The following SLIT1 variants were observed in gnomAD, a reference collection of about 807,000 sequenced individuals.
The protein encoded by SLIT1 is slit homolog 1 protein.
Under a neutral mutation model 186.1 loss-of-function variants are expected in SLIT1, and 66 were observed. That is an observed-to-expected ratio of 0.35 (90% CI 0.29 to 0.44). The LOEUF (loss-of-function observed/expected upper bound fraction) is 0.44. Ranked by LOEUF, SLIT1 falls within the 20% of genes least tolerant of loss-of-function variation. The pLI is 1.00. For missense variants in SLIT1, 1,638 were observed against 2,037.4 expected, an observed-to-expected ratio of 0.80 and a Z score of 3.77; for synonymous variants, 761 against 833.8, an observed-to-expected ratio of 0.91 and a Z score of 1.50.
intron 26 of SLIT1, among the ~76,000 whole-genome samples, chr10:97,020,896 A>G (rs564560271): frequency 6.6e-6 from 1 of 152,360 alleles, no homozygotes; most frequent in African/African-American, 2.4e-5. Flanking sequence ...TCCACCAGGG[A>G]CTGAGAGAGG....
chr10:97,048,844 C>A lies in SLIT1; in HGVS notation c.1465+111G>T, dbSNP rs1291599564. On this transcript the variant is annotated intron_variant, in intron 14 of 36. Transcript: ENST00000266058. The stretch of plus-strand genomic sequence containing the variant: ...ACAGGTAGGCAGGCAGGCAAGTGAG[C>A]AGGCGGGTAGGTGGGCAGGTGGGCA... 1.6e-5 allele frequency: 6 copies of A among 381,594 alleles called. No homozygotes were observed. The East Asian group carries it at 3.6e-4, about 23-fold the overall frequency. The allele number at this position is 381,594 out of a possible 1,614,324, so 23.6% of individuals were successfully genotyped here.
Position 97,083,640 on chromosome 10 carries a change from C to A in SLIT1, c.414-17554G>T, listed in dbSNP as rs538286899. On this transcript the variant is annotated intron_variant, in intron 4 of 36. Transcript: ENST00000266058. The stretch of plus-strand genomic sequence containing the variant: ...ATACGGTTCACATGTTTTCCCTGAG[C>A]GGCCGTGCTGCAGAGAGTGTGGAAT... Among the ~76,000 whole-genome samples the A allele has an allele frequency of 2.0e-5, 3 of 152,264 alleles. No individual in the cohort carries two copies. In the East Asian group the frequency reaches 5.8e-4, roughly 29 times the overall value.
chr10:97,004,074 CAT>C lies in SLIT1; in HGVS notation c.3857_3858del (p.Tyr1286CysfsTer88), dbSNP rs1306747805. ...GCCAGGGCCAGGTCCTCACCTCCCA[CAT>C]AGAGTGGCGCCTCGCTGTTGAGCGT... ...HYTLNSEAPLYVGGMPVDVNS... is the reference protein window; with the variant it reads ...HYTLNSEAPLXVGGMPVDVNS... On this transcript the variant is annotated frameshift_variant, in exon 34 of 37. Transcript: ENST00000266058. LOFTEE classifies it high-confidence loss of function. The surrounding 1 kb of genome is among the most constrained non-coding windows in gnomAD (Gnocchi z 5.1). 1.2e-6 allele frequency: 2 copies of C among 1,608,876 alleles called. No individual in the cohort carries two copies. Among genetic ancestry groups the C allele is most frequent in the Admixed American group, 1.7e-5 (1 of 59,932 alleles).
rs764995348 is a variant in SLIT1, at chr10:97,056,010, T to C, written c.1301+311A>G. Among the ~76,000 whole-genome samples the C allele has an allele frequency of 4.6e-5, 7 of 152,222 alleles. No individual in the cohort carries two copies. In the South Asian group the frequency reaches 1.4e-3, roughly 31 times the overall value. Reference sequence around the variant, plus strand: ...GCTAAAGGCAGCATTTATCAAGCACTTGTGATGAGCTAAGCTTCATACAAA... The same window carrying C: ...GCTAAAGGCAGCATTTATCAAGCACCTGTGATGAGCTAAGCTTCATACAAA... On this transcript the variant is annotated intron_variant, in intron 13 of 36. Coordinates refer to ENST00000266058, the MANE Select transcript of SLIT1 (RefSeq NM_003061.3).
chr10:97,091,923 C>T (rs985200197), intron 4 of SLIT1, among the ~76,000 whole-genome samples: 70 of 152,308 alleles, frequency 4.6e-4, no homozygotes, highest in Middle Eastern at 3.4e-3. Flanking sequence ...CCAGGAGTGG[C>T]GAGAAGTCTT....
chr10:97,183,030 T>C (rs1486080763), intron 1 of SLIT1, among the ~76,000 whole-genome samples: 3 of 151,504 alleles, frequency 2.0e-5, no homozygotes, highest in African/African-American at 7.3e-5. Context: ...AGCAGCAGAA[T>C]GTGCTGGGCC....
chr10:97,127,771 C>T (rs1410155520), intron 4 of SLIT1, among the ~76,000 whole-genome samples: 2 of 152,184 alleles, frequency 1.3e-5, no homozygotes, highest in African/African-American at 2.4e-5. Context: ...AGCCTTGGGG[C>T]GGCTCCCAGC....
At chr10:97,060,521 C>G in intron 9 of SLIT1, 119 bp downstream of exon 9, 1 of 1,240,686 alleles carries the variant, frequency 8.1e-7, no homozygotes, top group East Asian at 2.5e-5. Flanking sequence ...GTCTTCTCTA[C>G]GGCCACTGAG....
chr10:97,092,098 C>T (rs1187181914), intron 4 of SLIT1, among the ~76,000 whole-genome samples: 1 of 152,214 alleles, frequency 6.6e-6, no homozygotes, highest in African/African-American at 2.4e-5. Context: ...TTTGTGAAGG[C>T]TTGCTGTCAA....
chr10:97,016,294 G>GCGAGA (rs1848454648), intron 28 of SLIT1, among the ~76,000 whole-genome samples: 3 of 151,978 alleles, frequency 2.0e-5, no homozygotes, highest in Admixed American at 6.6e-5. Context: ...GGGTGACAGA[G>GCGAGA]CGAGACTCTG....
At chr10:97,025,801 C>T (rs894561936) in intron 25 of SLIT1, among the ~76,000 whole-genome samples, 62 of 152,306 alleles carry the variant, frequency 4.1e-4, no homozygotes, top group African/African-American at 1.4e-3. Context: ...CTCCTATTTG[C>T]GTAACCTGGA....
chr10:97,004,049 G>A lies in SLIT1; in HGVS notation c.3865+19C>T, dbSNP rs552104302. The A allele has an allele frequency of 3.7e-5, 59 of 1,590,704 alleles. No individual in the cohort carries two copies. The East Asian group carries it at 4.7e-4, about 13-fold the overall frequency. Reference sequence around the variant, plus strand: ...CAGGCCAGACAGCAAAAGAGGCCCCGCCAGGGCCAGGTCCTCACCTCCCAC... The same window carrying A: ...CAGGCCAGACAGCAAAAGAGGCCCCACCAGGGCCAGGTCCTCACCTCCCAC... On this transcript the variant is annotated intron_variant, in intron 34 of 36. Transcript: ENST00000266058. The surrounding 1 kb of genome is among the most constrained non-coding windows in gnomAD (Gnocchi z 5.1).
intron 31 of SLIT1, among the ~76,000 whole-genome samples, chr10:97,009,974 A>G (rs1394501104): frequency 6.6e-6 from 1 of 152,232 alleles, no homozygotes; most frequent in East Asian, 1.9e-4. Context: ...GGAATTGTGC[A>G]GCCATTAGGA....
chr10:97,098,371 G>T (rs780382548), intron 4 of SLIT1, among the ~76,000 whole-genome samples: 3 of 152,236 alleles, frequency 2.0e-5, no homozygotes, highest in Non-Finnish European at 4.4e-5. Flanking sequence ...AAGCCAAGCT[G>T]CTAGGCAGAG....
intron 4 of SLIT1, among the ~76,000 whole-genome samples, chr10:97,082,015 C>A (rs1305914777): frequency 6.6e-6 from 1 of 152,266 alleles, no homozygotes; most frequent in Non-Finnish European, 1.5e-5. Flanking sequence ...AGGATAGCTC[C>A]TCTATGAGCC....
rs987670336 is a variant in SLIT1 at position 97,059,647 on chromosome 10, A to G, written c.1014-116T>C. ...GAGCAGGGTGGAGTGCTTTGAAATG[A>G]GAATAGTGAGAGGCCAGATCTCTCC... On this transcript the variant is annotated intron_variant, in intron 10 of 36. Coordinates refer to ENST00000266058, the MANE Select transcript of SLIT1 (RefSeq NM_003061.3). 7 of 764,866 alleles carry G rather than the reference A, an allele frequency of 9.2e-6. No individual in the cohort carries two copies. In the African/African-American group the frequency reaches 1.0e-4, roughly 11 times the overall value. The allele number at this position is 764,866 out of a possible 1,614,324, so 47.4% of individuals were successfully genotyped here.
At chr10:97,100,260 G>A (rs149130263) in intron 4 of SLIT1, among the ~76,000 whole-genome samples, 1,970 of 152,250 alleles carry the variant, frequency 0.013, 26 homozygotes, top group Non-Finnish European at 0.018. Context: ...CATCAGCCCC[G>A]CAGGGAAGGC....
chr10:97,159,414 C>A (rs1031768962), intron 3 of SLIT1, among the ~76,000 whole-genome samples: 1 of 152,170 alleles, frequency 6.6e-6, no homozygotes, highest in East Asian at 1.9e-4. Context: ...CTTAAAGCAA[C>A]AGGAGTAGAC....
At chr10:97,148,401 A>G (rs747956319) in intron 4 of SLIT1, among the ~76,000 whole-genome samples, 91 of 151,696 alleles carry the variant, frequency 6.0e-4, no homozygotes, top group Non-Finnish European at 1.2e-3. Flanking sequence ...CGATCCTCAC[A>G]CCTCAGCCTC....
Sources: gnomAD v4.1 joint callset for allele counts (sites outside exome capture counted in the v4.1 genomes callset) on GRCh38, gnomAD v4.1.1 for gene constraint, Gnocchi (gnomAD v3.1) non-coding constraint, MANE v1.5 for transcripts, NCBI Gene and HGNC (gene_info 2026-07-23, HGNC 2026-07-21) for gene names.